Variants in NTRK3 observed in about 807,000 individuals in gnomAD.
NTRK3 encodes NT-3 growth factor receptor.
NTRK3 carries 24 observed loss-of-function variants against 91.7 expected under a neutral mutation model. The observed-to-expected ratio is 0.26, with a 90% CI of 0.19 to 0.37. The LOEUF is 0.37. Among genes scored for constraint, NTRK3 ranks in the 10% least tolerant of loss-of-function variants. The probability of loss-of-function intolerance (pLI) is 1.00; values close to 1 mark genes in which losing one functional copy is unlikely to be tolerated. For missense variants in NTRK3, 880 were observed against 1,068.9 expected (o/e 0.82, Z 2.46); for synonymous variants, 483 against 404.0 (o/e 1.20, Z -2.34).
rs1027662501 is a variant in NTRK3 at position 87,916,680 on chromosome 15, C to T, written c.2133+12511G>A. Reference sequence around the variant, plus strand: ...ATTATTTTTTGGCAGGATTAGGGGGCTAAATATTTTTATTCCACTGGTTTC... The same window carrying T: ...ATTATTTTTTGGCAGGATTAGGGGGTTAAATATTTTTATTCCACTGGTTTC... On this transcript the variant is annotated intron_variant, in intron 17 of 18. Coordinates refer to ENST00000394480, the Ensembl canonical transcript of NTRK3. 1.7e-5 allele frequency: 11 copies of T among 660,010 alleles called. No homozygotes were observed. In the African/African-American group the frequency reaches 1.8e-4, roughly 11 times the overall value. 40.9% of individuals were successfully genotyped at this position (660,010 alleles called of 1,614,324 possible). A position where few individuals can be genotyped will look rare whatever the true frequency, so the allele number is the denominator to read the frequency against.
chr15:88,168,550 G>C (rs2045208863), intron 5 of NTRK3, among the ~76,000 whole-genome samples: 1 of 152,232 alleles, frequency 6.6e-6, no homozygotes, highest in South Asian at 2.1e-4. Flanking sequence ...GGAGCACACG[G>C]TTGCTCTTTG....
rs55868433 is a variant in NTRK3 at position 87,885,910 on chromosome 15, A to G, written c.2134-5482T>C. Among the ~76,000 whole-genome samples the G allele has an allele frequency of 0.11, 16,950 of 152,002 alleles. 1,225 individuals are homozygous for G. Among genetic ancestry groups the G allele is most frequent in the African/African-American group, 0.2 (8,210 of 41,486 alleles). On this transcript the variant is annotated intron_variant, in intron 17 of 18. Coordinates refer to ENST00000394480, the Ensembl canonical transcript of NTRK3. ...ATTCTTTTGCATGGCAAAAGACAAC[A>G]TAAGCATAGCTAAAAGACAAATGGC...
At chr15:88,058,006 G>C (rs554389075) in intron 13 of NTRK3, among the ~76,000 whole-genome samples, 1 of 152,248 alleles carries the variant, frequency 6.6e-6, no homozygotes, top group African/African-American at 2.4e-5. Flanking sequence ...CCGAGCAGAT[G>C]CTCAGACCCC....
exon 19 of NTRK3, chr15:87,860,338 A>C (rs886360157): frequency 4.6e-6 from 1 of 216,080 alleles, no homozygotes; most frequent in Non-Finnish European, 9.3e-6. Flanking sequence ...TAAAAAAATA[A>C]TTTTTTGTTT....
intron 3 of NTRK3, among the ~76,000 whole-genome samples, chr15:88,194,327 C>T (rs767957571): frequency 2.9e-4 from 44 of 152,234 alleles, no homozygotes; most frequent in Non-Finnish European, 5.7e-4. Flanking sequence ...CTGCTCTGAG[C>T]GCCGTCCTTG....
exon 19 of NTRK3, chr15:87,864,413 G>A (rs548186179): frequency 3.5e-5 from 8 of 230,766 alleles, no homozygotes; most frequent in South Asian, 3.6e-4. Context: ...ATTGAAATAA[G>A]TTCTTGTTGT....
intron 14 of NTRK3, chr15:87,981,480 G>C: frequency 1.5e-6 from 2 of 1,368,872 alleles, no homozygotes; most frequent in Non-Finnish European, 2.1e-6. Context: ...AGGTTTCTCA[G>C]CTCCTGTACC....
intron 14 of NTRK3, among the ~76,000 whole-genome samples, chr15:88,004,546 A>AT (rs1253498168): frequency 6.6e-6 from 1 of 152,190 alleles, no homozygotes; most frequent in Admixed American, 6.5e-5. Flanking sequence ...ACATGTTGCC[A>AT]AGCATCATCA....
intron 3 of NTRK3, among the ~76,000 whole-genome samples, chr15:88,228,396 A>G (rs1369796777): frequency 1.3e-5 from 2 of 152,062 alleles, no homozygotes; most frequent in African/African-American, 4.8e-5. Context: ...TTATGGCTCA[A>G]TCTTCCTGAA....
intron 5 of NTRK3, among the ~76,000 whole-genome samples, chr15:88,164,082 A>C (rs2044710075): frequency 6.6e-6 from 1 of 152,222 alleles, no homozygotes; most frequent in Non-Finnish European, 1.5e-5. Flanking sequence ...GTATGGGGTG[A>C]ACAAGGCAGC....
At chr15:88,161,740 G>C (rs2044474035) in intron 5 of NTRK3, among the ~76,000 whole-genome samples, 1 of 152,162 alleles carries the variant, frequency 6.6e-6, no homozygotes, top group African/African-American at 2.4e-5. Context: ...ATCAGGGCTG[G>C]AGCATCCTAG....
intron 3 of NTRK3, among the ~76,000 whole-genome samples, chr15:88,220,923 G>C (rs572687868): frequency 6.6e-6 from 1 of 152,182 alleles, no homozygotes; most frequent in African/African-American, 2.4e-5. Context: ...CAGGGGATAC[G>C]TCTCAAAAAT....
At chr15:87,859,821 G>T in exon 19 of NTRK3, 1 of 178,472 alleles carries the variant, frequency 5.6e-6, no homozygotes, top group South Asian at 2.0e-4. Context: ...GTCTACACAC[G>T]ATTTCATCAA....
intron 13 of NTRK3, among the ~76,000 whole-genome samples, chr15:88,081,301 G>A (rs938060298): frequency 9.2e-5 from 14 of 152,204 alleles, no homozygotes; most frequent in Non-Finnish European, 1.6e-4. Flanking sequence ...GGACAGGTGG[G>A]ATGTGTCCCA....
intron 5 of NTRK3, among the ~76,000 whole-genome samples, chr15:88,159,730 T>A (rs1049860111): frequency 1.1e-4 from 17 of 152,084 alleles, no homozygotes; most frequent in African/African-American, 3.9e-4. Context: ...CAAATGCCAT[T>A]GTTAATAACC....
At chr15:88,146,168 T>A (rs146652982) in intron 6 of NTRK3, among the ~76,000 whole-genome samples, 129 of 152,322 alleles carry the variant, frequency 8.5e-4, no homozygotes, top group African/African-American at 2.9e-3. Flanking sequence ...GTAGTAGTCA[T>A]GTTAATTTAC....
chr15:88,147,775 C>T (rs1244547331), intron 5 of NTRK3, among the ~76,000 whole-genome samples: 1 of 152,130 alleles, frequency 6.6e-6, no homozygotes, highest in Non-Finnish European at 1.5e-5. Context: ...TAGATAAGCC[C>T]ACTAGCATTC....
chr15:87,954,190 C>A (rs1302692326), intron 14 of NTRK3, among the ~76,000 whole-genome samples: 1 of 152,182 alleles, frequency 6.6e-6, no homozygotes, highest in Non-Finnish European at 1.5e-5. Context: ...CCTGCCAGCT[C>A]TCCGAGAGGC....
rs75349375 is a variant in NTRK3, at chr15:88,058,958, G to A, written c.1397-25913C>T. ...TCTAGCTTCTTCCAGAGATTTAGAT[G>A]TTCACCATCAGCAGCAAGCTAATTG... is the stretch of plus-strand genomic sequence containing the variant. On this transcript the variant is annotated intron_variant, in intron 13 of 18. Transcript: ENST00000394480. 8.7e-3 allele frequency among the ~76,000 whole-genome samples: 1,329 copies of A among 152,142 alleles called. 18 individuals carry two copies. Among genetic ancestry groups the A allele is most frequent in the African/African-American group, 0.03 (1,255 of 41,492 alleles).
Sources: gnomAD v4.1 joint callset for allele counts (sites outside exome capture counted in the v4.1 genomes callset) on GRCh38, gnomAD v4.1.1 for gene constraint, MANE v1.5 for transcripts, NCBI Gene and HGNC (gene_info 2026-07-23, HGNC 2026-07-21) for gene names.